PDGFC: variants seen among roughly 807,000 people sequenced by gnomAD.
PDGFC encodes the protein platelet-derived growth factor C.
In PDGFC, 12 loss-of-function variants were observed where a neutral mutation model predicts 35.5. The ratio of observed to expected loss-of-function variants is 0.34; its 90% CI spans 0.22 to 0.55. The LOEUF is 0.55. PDGFC is among the 20% of genes least tolerant of loss of function. The pLI is 0.91. For synonymous variants in PDGFC, 159 were observed against 148.8 expected (o/e 1.07, Z -0.50); for missense variants, 322 against 412.4 (o/e 0.78, Z 1.90).
chr4:156,813,232 T>A (rs571984139), intron 2 of PDGFC, among the ~76,000 whole-genome samples: 1 of 152,156 alleles, frequency 6.6e-6, no homozygotes, highest in Non-Finnish European at 1.5e-5. Context: ...AGGATCTGTT[T>A]GTTCTGTGCT....
rs563392410 is a variant in PDGFC, at chr4:156,896,262, T to C, written c.119-45846A>G. The stretch of plus-strand genomic sequence containing the variant: ...AAAAATCACTGTTGTTTTGAGGAAG[T>C]TTTTGAGGATTAACAACTCTCCACC... On this transcript the variant is annotated intron_variant, in intron 1 of 5. Transcript: ENST00000502773. Among the ~76,000 whole-genome samples, 14 of 152,246 alleles carry C rather than the reference T, an allele frequency of 9.2e-5. No individual in the cohort carries two copies. The South Asian group carries it at 2.7e-3, about 29-fold the overall frequency.
rs1389575126 is a variant in PDGFC at position 156,762,715 on chromosome 4, C to G, written c.*375G>C. ...AAGCAAGGCAACGGAATCAGGTGCTCACTTGCACAGTTTTTTTCCTGTACT... is the reference window on the plus strand; with the variant it reads ...AAGCAAGGCAACGGAATCAGGTGCTGACTTGCACAGTTTTTTTCCTGTACT... On this transcript the variant is annotated 3_prime_UTR_variant, in exon 6 of 6. Transcript: ENST00000502773. 1 of 159,732 alleles carries G rather than the reference C, an allele frequency of 6.3e-6. No individual in the cohort carries two copies. Among genetic ancestry groups the G allele is most frequent in the Non-Finnish European group, 1.4e-5 (1 of 73,216 alleles). The allele number at this position is 159,732 out of a possible 1,614,324, so 9.9% of individuals were successfully genotyped here.
intron 3 of PDGFC, among the ~76,000 whole-genome samples, chr4:156,783,866 T>G (rs1038036408): frequency 2.6e-5 from 4 of 152,178 alleles, no homozygotes; most frequent in African/African-American, 2.4e-5. Flanking sequence ...GGTGGCAAAG[T>G]ACATGACCAT....
chr4:156,889,413 A>G (rs1481348910), intron 1 of PDGFC, among the ~76,000 whole-genome samples: 1 of 152,246 alleles, frequency 6.6e-6, no homozygotes, highest in Non-Finnish European at 1.5e-5. Flanking sequence ...AAGAACAGAA[A>G]TTATTGCCAT....
At chr4:156,824,325 T>TACACAC (rs60087416) in intron 2 of PDGFC, among the ~76,000 whole-genome samples, 7 of 109,614 alleles carry the variant, frequency 6.4e-5, no homozygotes, top group South Asian at 2.8e-4. Context: ...TATATATATA[T>TACACAC]ATACACACAC....
At chr4:156,769,993 T>C (rs1402705691) in intron 4 of PDGFC, among the ~76,000 whole-genome samples, 2 of 152,038 alleles carry the variant, frequency 1.3e-5, no homozygotes, top group African/African-American at 2.4e-5. Flanking sequence ...TATTCACCTA[T>C]GTCAAGTAGT....
chr4:156,878,334 A>C (rs1413794859), intron 1 of PDGFC, among the ~76,000 whole-genome samples: 4 of 152,210 alleles, frequency 2.6e-5, no homozygotes, highest in African/African-American at 7.2e-5. Flanking sequence ...CTTAGGAATA[A>C]GGAAATGGTT....
intron 2 of PDGFC, among the ~76,000 whole-genome samples, chr4:156,825,575 TAATAATAATAATAATAATAAGAAGAAG>T (rs1317173938): frequency 5.2e-5 from 5 of 95,584 alleles, no homozygotes; most frequent in East Asian, 5.7e-4. Context: ...ATAATAATAA[TAATAATAATAATAATAATAAGAAGAAG>T]AAGAAGAAGA....
At chr4:156,945,572 G>C (rs531285112) in intron 1 of PDGFC, among the ~76,000 whole-genome samples, 1 of 151,624 alleles carries the variant, frequency 6.6e-6, no homozygotes, top group Non-Finnish European at 1.5e-5. Flanking sequence ...GAATTAAAGA[G>C]ATCACTCTCT....
intron 3 of PDGFC, among the ~76,000 whole-genome samples, chr4:156,779,608 A>C (rs1730924669): frequency 6.6e-6 from 1 of 152,218 alleles, no homozygotes; most frequent in Admixed American, 6.5e-5. Context: ...CGGAGAGCAG[A>C]AGTCTTCCTG....
At chr4:156,853,437 T>C (rs1729500597) in intron 1 of PDGFC, among the ~76,000 whole-genome samples, 1 of 152,202 alleles carries the variant, frequency 6.6e-6, no homozygotes, top group Non-Finnish European at 1.5e-5. Context: ...AATAACTGAA[T>C]GCTACCAATC....
chr4:156,839,537 G>C (rs759558124), intron 2 of PDGFC, among the ~76,000 whole-genome samples: 1 of 152,160 alleles, frequency 6.6e-6, no homozygotes, highest in Non-Finnish European at 1.5e-5. Flanking sequence ...AGCCGCGTGA[G>C]AATGGACTAA....
rs538982307 is a variant in PDGFC at position 156,909,774 on chromosome 4, AC to A, written c.119-59359del. Among the ~76,000 whole-genome samples the A allele has an allele frequency of 1.6e-3, 241 of 152,268 alleles. 3 individuals carry two copies. Among genetic ancestry groups the A allele is most frequent in the African/African-American group, 5.6e-3 (231 of 41,554 alleles). ...CTCAAAGATATACGTCCAAGTCCTA[AC>A]CCCTTGAACCTGTGAAAATGAACTT... On this transcript the variant is annotated intron_variant, in intron 1 of 5. Coordinates refer to ENST00000502773, the MANE Select transcript of PDGFC (RefSeq NM_016205.3).
rs186029523 is a variant in PDGFC, at chr4:156,761,603, C to T, written c.*1487G>A. On this transcript the variant is annotated 3_prime_UTR_variant, in exon 6 of 6. Coordinates refer to ENST00000502773, the MANE Select transcript of PDGFC (RefSeq NM_016205.3). ...GTCCAAGAAATAAATCTTGAGCACA[C>T]ACACACATAATTTTCTCCCCAAAAT... 15 of 152,624 alleles carry T rather than the reference C, an allele frequency of 9.8e-5. No homozygotes were observed. The highest frequency in any genetic ancestry group is 7.2e-4 in the Admixed American group (11 of 15,300). 9.5% of individuals were successfully genotyped at this position (152,624 alleles called of 1,614,324 possible).
intron 1 of PDGFC, among the ~76,000 whole-genome samples, chr4:156,914,181 T>C (rs1415747358): frequency 3.3e-5 from 5 of 152,176 alleles, no homozygotes; most frequent in Non-Finnish European, 7.3e-5. Flanking sequence ...TCCAGGAATC[T>C]AAGGGATAAC....
At chr4:156,936,290 C>T (rs936123107) in intron 1 of PDGFC, among the ~76,000 whole-genome samples, 1 of 152,162 alleles carries the variant, frequency 6.6e-6, no homozygotes, top group South Asian at 2.1e-4. Context: ...ACCTTGACTG[C>T]ATCTCAAGAA....
At chr4:156,810,564 T>TA (rs1252107355) in intron 3 of PDGFC, among the ~76,000 whole-genome samples, 1 of 152,064 alleles carries the variant, frequency 6.6e-6, no homozygotes, top group Admixed American at 6.6e-5. Flanking sequence ...GTCTAGATAA[T>TA]ATTTCATAGA....
At chr4:156,822,155 C>A (rs543200547) in intron 2 of PDGFC, among the ~76,000 whole-genome samples, 15 of 151,772 alleles carry the variant, frequency 9.9e-5, no homozygotes, top group African/African-American at 3.4e-4. Context: ...TTCAGGAGAT[C>A]GAGACCATCC....
intron 1 of PDGFC, among the ~76,000 whole-genome samples, chr4:156,945,052 T>C (rs1196400243): frequency 6.6e-6 from 1 of 151,946 alleles, no homozygotes; most frequent in African/African-American, 2.4e-5. Flanking sequence ...CAATGTGCCC[T>C]ATCCCCACAC....
Sources: gnomAD v4.1 joint callset for allele counts (sites outside exome capture counted in the v4.1 genomes callset) on GRCh38, gnomAD v4.1.1 for gene constraint, MANE v1.5 for transcripts, NCBI Gene and HGNC (gene_info 2026-07-23, HGNC 2026-07-21) for gene names.